SHANK2: variants seen among roughly 807,000 people sequenced by gnomAD.
The protein encoded by SHANK2 is SH3 and multiple ankyrin repeat domains protein 2.
A neutral mutation model predicts 133.7 loss-of-function variants in SHANK2; 43 were observed. The observed-to-expected ratio is 0.32, with a 90% CI of 0.25 to 0.41. The LOEUF (loss-of-function observed/expected upper bound fraction) is 0.41, where lower values mean the gene tolerates loss of function less well. Ranked by LOEUF, SHANK2 falls within the 10% of genes least tolerant of loss-of-function variation. The pLI is 1.00. For synonymous variants in SHANK2, 1,017 were observed against 952.8 expected, an observed-to-expected ratio of 1.07 and a Z score of -1.24; for missense variants, 1,994 against 2,235.8, an observed-to-expected ratio of 0.89 and a Z score of 2.18.
chr11:70,685,036 T>G (rs2134406953), intron 15 of SHANK2, among the ~76,000 whole-genome samples: 1 of 152,126 alleles, frequency 6.6e-6, no homozygotes, highest in East Asian at 1.9e-4. Flanking sequence ...CAACACCACC[T>G]TAGTCCCTGC....
chr11:70,926,736 C>T (rs184767441), intron 10 of SHANK2, among the ~76,000 whole-genome samples: 6 of 152,322 alleles, frequency 3.9e-5, no homozygotes, highest in Admixed American at 6.5e-5. Context: ...TGGGCACCTG[C>T]GGGCTGGATG....
At chr11:70,625,736 C>G (rs1565190806) in intron 17 of SHANK2, among the ~76,000 whole-genome samples, 1 of 150,274 alleles carries the variant, frequency 6.7e-6, no homozygotes, top group East Asian at 2.0e-4. Flanking sequence ...CCCCAAGTCC[C>G]CTGCCTCCCA....
intron 14 of SHANK2, among the ~76,000 whole-genome samples, chr11:70,770,421 A>G (rs1947223399): frequency 6.6e-6 from 1 of 152,198 alleles, no homozygotes; most frequent in South Asian, 2.1e-4. Flanking sequence ...CCAGCACTGT[A>G]GAGACCAGCT....
intron 15 of SHANK2, among the ~76,000 whole-genome samples, chr11:70,680,856 G>A (rs1945015259): frequency 6.6e-6 from 1 of 152,154 alleles, no homozygotes; most frequent in African/African-American, 2.4e-5. Flanking sequence ...CCTCCTTGTG[G>A]GGACTCTCAA....
At chr11:70,614,996 G>T (rs2060718810) in intron 17 of SHANK2, among the ~76,000 whole-genome samples, 1 of 152,234 alleles carries the variant, frequency 6.6e-6, no homozygotes, top group Non-Finnish European at 1.5e-5. Flanking sequence ...AAAGGCAAAA[G>T]GAAGGAAAGA....
intron 14 of SHANK2, among the ~76,000 whole-genome samples, chr11:70,741,831 G>T (rs483039): frequency 0.1 from 15,969 of 152,174 alleles, 1,676 homozygotes; most frequent in African/African-American, 0.27. Context: ...GTCACAACTG[G>T]CAAGGAGTAA....
chr11:70,633,672 T>A (rs961178081), intron 17 of SHANK2: 1 of 152,182 alleles, frequency 6.6e-6, no homozygotes, highest in East Asian at 1.9e-4. Flanking sequence ...TACTCCTCAA[T>A]GTCTGCAGGG....
intron 17 of SHANK2, among the ~76,000 whole-genome samples, chr11:70,504,870 C>G (rs1185539463): frequency 6.6e-6 from 1 of 152,040 alleles, no homozygotes; most frequent in Non-Finnish European, 1.5e-5. Context: ...ACCAGCCACG[C>G]GTTATCGGGT....
chr11:71,108,938 C>T (rs868909212), intron 6 of SHANK2, among the ~76,000 whole-genome samples: 2 of 125,802 alleles, frequency 1.6e-5, no homozygotes, highest in South Asian at 4.3e-4. Context: ...ACCCAGCGGG[C>T]CCCCCCCCAG....
chr11:70,858,076 C>T (rs2135490809), intron 11 of SHANK2, among the ~76,000 whole-genome samples: 1 of 152,318 alleles, frequency 6.6e-6, no homozygotes, highest in Non-Finnish European at 1.5e-5. Context: ...TGCTTCTCAG[C>T]TTTCATCCCA....
intron 11 of SHANK2, among the ~76,000 whole-genome samples, chr11:70,844,931 T>A (rs1350344907): frequency 1.3e-5 from 2 of 152,048 alleles, no homozygotes; most frequent in Non-Finnish European, 2.9e-5. Flanking sequence ...CTGGGTGCAG[T>A]GGCTCACACC....
At chr11:70,940,051 G>T (rs1335238956) in intron 10 of SHANK2, among the ~76,000 whole-genome samples, 1 of 152,190 alleles carries the variant, frequency 6.6e-6, no homozygotes, top group South Asian at 2.1e-4. Context: ...ACCCAGAGCT[G>T]GAGGAGATGA....
chr11:70,702,409 C>A (rs1945555406), intron 14 of SHANK2, among the ~76,000 whole-genome samples: 1 of 151,068 alleles, frequency 6.6e-6, no homozygotes, highest in African/African-American at 2.4e-5. Flanking sequence ...ATCCTCTTCA[C>A]CATCATCATC....
chr11:70,766,881 C>T (rs1230543813), intron 14 of SHANK2, among the ~76,000 whole-genome samples: 1 of 152,324 alleles, frequency 6.6e-6, no homozygotes, highest in African/African-American at 2.4e-5. Context: ...AATTTTTAAA[C>T]GGCATAAGAC....
At chr11:70,721,853 CA>C (rs1342147598) in intron 14 of SHANK2, among the ~76,000 whole-genome samples, 1 of 152,248 alleles carries the variant, frequency 6.6e-6, no homozygotes, top group Non-Finnish European at 1.5e-5. Context: ...TGAATACATA[CA>C]ATTCTTCAGG....
In SHANK2 at chr11:71,092,475, C is replaced by T. The variant is rs1383883362; in HGVS notation, c.859G>A (p.Glu287Lys). 7 of 1,551,392 alleles carry T rather than the reference C, an allele frequency of 4.5e-6. No homozygotes were observed. The highest frequency in any genetic ancestry group is 2.4e-5 in the East Asian group (1 of 40,912). ...DPYCCELLLH[E>K]HATVCCKDEN... Reference sequence around the variant, plus strand: ...TCTTTGCAGCACACAGTGGCGTGTTCGTGCAGGAGAAGCTCGCAGCAGTAG... The same window carrying T: ...TCTTTGCAGCACACAGTGGCGTGTTTGTGCAGGAGAAGCTCGCAGCAGTAG... The change falls in exon 8 of 26, where the codon GAA becomes AAA. Residue 287 changes from glutamate (E) to lysine (K), a missense_variant. Glu to Lys is a moderately conservative substitution (Grantham distance 56, BLOSUM62 1). Around this residue, in one of 5 missense-constraint regions of SHANK2, gnomAD observed 653 missense variants for 563.4 expected, o/e 1.16. Transcript: ENST00000601538.
At chr11:71,112,731 C>T (rs1281931985) in intron 5 of SHANK2, among the ~76,000 whole-genome samples, 2 of 152,132 alleles carry the variant, frequency 1.3e-5, no homozygotes, top group Non-Finnish European at 2.9e-5. Flanking sequence ...CCCCTCTCCA[C>T]GCCTCCTCCT....
At chr11:70,646,823 TA>T (rs1555008409) in intron 17 of SHANK2, among the ~76,000 whole-genome samples, 1 of 69,852 alleles carries the variant, frequency 1.4e-5, no homozygotes, top group Non-Finnish European at 3.1e-5. Flanking sequence ...ATCTAACTTT[TA>T]TTTATTTTAT....
chr11:70,486,309 C>A lies in SHANK2; in HGVS notation c.3984G>T (p.Leu1328=). The change falls in exon 25 of 26, where the codon CTG becomes CTT. Residue 1328 remains leucine (L), a synonymous_variant. Transcript: ENST00000601538. This position sits in a 1 kb window ranked among gnomAD's most constrained non-coding sequence, Gnocchi z 8.0. ...CCTCTGCCTTCTCGTCCTCTTCCTG[C>A]AGGGCGTTGTCCAGCTTAGTGGCGT... The part of the protein sequence containing the change: ...TVDATKLDNA[L]QEEDEKAEVE... 6.2e-7 allele frequency: 1 copy of A among 1,614,004 alleles called. No individual in the cohort carries two copies. The highest frequency in any genetic ancestry group is 8.5e-7 in the Non-Finnish European group (1 of 1,180,038).
Sources: gnomAD v4.1 joint callset for allele counts (sites outside exome capture counted in the v4.1 genomes callset) on GRCh38, gnomAD v4.1.1 for gene constraint, gnomAD v4.1.1 regional missense constraint, Gnocchi (gnomAD v3.1) non-coding constraint, MANE v1.5 for transcripts, NCBI Gene and HGNC (gene_info 2026-07-23, HGNC 2026-07-21) for gene names.